Variants in TSC22D1 observed in about 807,000 individuals in gnomAD.
The protein encoded by TSC22D1 is TSC22 domain family member 1.
A neutral mutation model predicts 74.2 loss-of-function variants in TSC22D1; 9 were observed. The ratio of observed to expected loss-of-function variants is 0.12; its 90% CI spans 0.07 to 0.21. The LOEUF is 0.21. Among genes scored for constraint, TSC22D1 ranks in the 10% least tolerant of loss-of-function variants. The pLI is 1.00. For missense variants in TSC22D1, 1,427 were observed against 1,304.7 expected, an observed-to-expected ratio of 1.09 and a Z score of -1.44; for synonymous variants, 586 against 492.5, an observed-to-expected ratio of 1.19 and a Z score of -2.51.
intron 1 of TSC22D1, among the ~76,000 whole-genome samples, chr13:44,534,361 T>TAAAAAAA (rs61378692): frequency 9.3e-6 from 1 of 107,272 alleles, no homozygotes. Flanking sequence ...GACCCCGTCT[T>TAAAAAAA]AAAAAAAAAA....
chr13:44,550,042 G>A (rs1234339252), intron 1 of TSC22D1, among the ~76,000 whole-genome samples: 1 of 152,038 alleles, frequency 6.6e-6, no homozygotes, highest in African/African-American at 2.4e-5. Flanking sequence ...TTTTGATAGC[G>A]ACTAATCCAC....
At chr13:44,477,908 T>G (rs967422377) in intron 1 of TSC22D1, among the ~76,000 whole-genome samples, 15 of 152,160 alleles carry the variant, frequency 9.9e-5, no homozygotes, top group African/African-American at 3.4e-4. Context: ...CCCAAAGTGC[T>G]GGGATTACAG....
intron 1 of TSC22D1, among the ~76,000 whole-genome samples, chr13:44,514,827 T>A (rs1879903001): frequency 6.6e-6 from 1 of 152,016 alleles, no homozygotes; most frequent in Admixed American, 6.6e-5. Context: ...ACCAATGCAC[T>A]CCAGCCTAGG....
At chr13:44,565,117 G>C (rs539960964) in intron 1 of TSC22D1, among the ~76,000 whole-genome samples, 1 of 152,156 alleles carries the variant, frequency 6.6e-6, no homozygotes, top group Non-Finnish European at 1.5e-5. Context: ...ACCCGTCTAA[G>C]GCTAAGAAGA....
At chr13:44,435,067 A>G (rs900063618) in intron 2 of TSC22D1, 184 bp from the exon 3 acceptor site, 20 of 580,900 alleles carry the variant, frequency 3.4e-5, no homozygotes, top group African/African-American at 7.7e-5. Flanking sequence ...AGTTTAACGT[A>G]TAAATGATCA....
At chr13:44,573,136 G>A (rs367745652) in intron 1 of TSC22D1, 27 bp downstream of exon 1, 1 of 1,602,296 alleles carries the variant, frequency 6.2e-7, no homozygotes, top group South Asian at 1.1e-5. Flanking sequence ...TCTGTTGAAT[G>A]TCTCCAGAAA....
intron 1 of TSC22D1, among the ~76,000 whole-genome samples, chr13:44,470,448 A>C (rs920005002): frequency 6.6e-6 from 1 of 152,206 alleles, no homozygotes; most frequent in Non-Finnish European, 1.5e-5. Context: ...CTTTATAATT[A>C]TTATTATCTC....
intron 1 of TSC22D1, among the ~76,000 whole-genome samples, chr13:44,472,726 C>A (rs1877676532): frequency 6.6e-6 from 1 of 152,140 alleles, no homozygotes; most frequent in African/African-American, 2.4e-5. Context: ...ACTGCCTTTG[C>A]CTGAGCCTGG....
intron 2 of TSC22D1, 56 bp from the exon 3 acceptor site, chr13:44,434,939 T>G: frequency 1.4e-6 from 2 of 1,470,908 alleles, no homozygotes; most frequent in South Asian, 1.3e-5. Context: ...TGGACTCTTT[T>G]GAGTTTCCAA....
chr13:44,463,846 CATGT>C (rs1877126652), intron 1 of TSC22D1, among the ~76,000 whole-genome samples: 1 of 152,166 alleles, frequency 6.6e-6, no homozygotes, highest in South Asian at 2.1e-4. Flanking sequence ...AGTTATCTTA[CATGT>C]ATGTACCTAG....
chr13:44,455,570 C>T (rs1402784574), intron 1 of TSC22D1, among the ~76,000 whole-genome samples: 5 of 152,150 alleles, frequency 3.3e-5, no homozygotes, highest in African/African-American at 1.2e-4. Flanking sequence ...TTTCACTTTC[C>T]AATAAAAACT....
chr13:44,503,393 A>G (rs1879301585), intron 1 of TSC22D1, among the ~76,000 whole-genome samples: 1 of 151,844 alleles, frequency 6.6e-6, no homozygotes, highest in African/African-American at 2.4e-5. Flanking sequence ...ATCTGTTGGG[A>G]TTCTATTTTG....
At chr13:44,434,920 G>C in intron 2 of TSC22D1, 37 bp from the exon 3 acceptor site, 1 of 1,536,796 alleles carries the variant, frequency 6.5e-7, no homozygotes, top group South Asian at 1.2e-5. Flanking sequence ...CTCATTATTT[G>C]GTATTTTCTG....
intron 1 of TSC22D1, among the ~76,000 whole-genome samples, chr13:44,517,825 G>A (rs75900343): frequency 0.036 from 692 of 19,140 alleles, 23 homozygotes; most frequent in Middle Eastern, 0.071. Context: ...GTGTGTGTGT[G>A]TGTGTATATA....
At chr13:44,565,746 G>T (rs921794685) in intron 1 of TSC22D1, among the ~76,000 whole-genome samples, 1 of 151,942 alleles carries the variant, frequency 6.6e-6, no homozygotes, top group African/African-American at 2.4e-5. Context: ...TTTTTAAATC[G>T]AGATGGGGAC....
At chr13:44,479,377 C>T (rs180907100) in intron 1 of TSC22D1, among the ~76,000 whole-genome samples, 22 of 145,300 alleles carry the variant, frequency 1.5e-4, no homozygotes, top group Admixed American at 2.8e-4. Context: ...GTGTATTTTA[C>T]GTGCGGCCCA....
chr13:44,434,891 G>C lies in TSC22D1; in HGVS notation c.2965-8C>G. On this transcript the variant is annotated splice_polypyrimidine_tract_variant and splice_region_variant and intron_variant, in intron 2 of 2. Transcript: ENST00000458659. ...ATGGCTTTTCACTAGATCCTGGAAA[G>C]AAGACAGAAAAGGTTTAACTCATTA... 2 of 1,607,126 alleles carry C rather than the reference G, an allele frequency of 1.2e-6. No individual in the cohort carries two copies. The highest frequency in any genetic ancestry group is 2.2e-5 in the South Asian group (2 of 90,138).
intron 1 of TSC22D1, chr13:44,538,599 A>G: frequency 2.0e-6 from 2 of 985,332 alleles, no homozygotes; most frequent in Non-Finnish European, 2.4e-6. Context: ...CTGAATAGAA[A>G]GAAATATTTT....
At position 44,573,200 on chromosome 13, in the gene TSC22D1, G is replaced by A. The variant is rs1046278951; in HGVS notation, c.2875C>T (p.Pro959Ser). The change falls in exon 1 of 3, where the codon CCG becomes TCG. Residue 959 changes from proline to serine, a missense_variant. This residue lies in a region of TSC22D1 where 1,343 missense variants were observed against 1,191.5 expected (regional missense o/e 1.13). Transcript: ENST00000458659. ...CCATCCACCAGGGGTGTCGTCAGCG[G>A]TAGCACCTTCAACGGGAAAAGAGAA... The part of the protein sequence containing the change: ...SASLFPLKVL[P>S]LTTPLVDGED... 7.4e-6 allele frequency: 12 copies of A among 1,614,054 alleles called. No homozygotes were observed. Among genetic ancestry groups the A allele is most frequent in the African/African-American group, 4.0e-5 (3 of 74,918 alleles).
Sources: allele counts gnomAD v4.1 joint callset (sites outside exome capture counted in the v4.1 genomes callset), GRCh38; gene constraint gnomAD v4.1.1; regional missense constraint gnomAD v4.1.1; transcripts MANE v1.5; gene names NCBI Gene and HGNC (gene_info 2026-07-23, HGNC 2026-07-21).